The following SDK1 variants were observed in gnomAD, a reference collection of about 807,000 sequenced individuals.
The protein encoded by SDK1 is protein sidekick-1.
Under a neutral mutation model 245.5 loss-of-function variants are expected in SDK1, and 157 were observed. That is an observed-to-expected ratio of 0.64 (90% CI 0.56 to 0.73). The LOEUF (loss-of-function observed/expected upper bound fraction) is 0.73, where lower values mean the gene tolerates loss of function less well. SDK1 is among the 30% of genes least tolerant of loss of function. The probability of loss-of-function intolerance (pLI) is 0.00; values close to 1 mark genes in which losing one functional copy is unlikely to be tolerated. For missense variants in SDK1, 3,583 were observed against 3,002.3 expected, an observed-to-expected ratio of 1.19 and a Z score of -4.52; for synonymous variants, 1,647 against 1,278.5, an observed-to-expected ratio of 1.29 and a Z score of -6.15.
At chr7:4,181,817 T>C (rs1272281109) in intron 35 of SDK1, among the ~76,000 whole-genome samples, 1 of 152,206 alleles carries the variant, frequency 6.6e-6, no homozygotes, top group Non-Finnish European at 1.5e-5. Flanking sequence ...AGGCGGGTGC[T>C]GAGAGTCAGC....
At chr7:3,771,012 T>C (rs1229368141) in intron 4 of SDK1, among the ~76,000 whole-genome samples, 1 of 152,102 alleles carries the variant, frequency 6.6e-6, no homozygotes, top group Non-Finnish European at 1.5e-5. Flanking sequence ...GGCTGGGTGT[T>C]TTTTCTGGTC....
chr7:3,656,470 C>T (rs1783188050), intron 4 of SDK1, among the ~76,000 whole-genome samples: 2 of 152,184 alleles, frequency 1.3e-5, no homozygotes, highest in South Asian at 2.1e-4. Flanking sequence ...GTGCAAAATT[C>T]CCTCAAAAGC....
intron 17 of SDK1, among the ~76,000 whole-genome samples, chr7:4,020,903 T>A (rs888209406): frequency 2.0e-5 from 3 of 152,206 alleles, no homozygotes; most frequent in Non-Finnish European, 4.4e-5. Context: ...GAAAAGGCTT[T>A]CAAAACAAGG....
chr7:3,489,371 G>C lies in SDK1; in HGVS notation c.299-129709G>C, dbSNP rs564839616. ...GAGCGTATTGTGGAAATTTTCCGGT[G>C]ATTTTTGTCTTAAATAAGTAATTGC... is the stretch of plus-strand genomic sequence containing the variant. On this transcript the variant is annotated intron_variant, in intron 1 of 44. Transcript: ENST00000404826. Among the ~76,000 whole-genome samples, 14 of 152,248 alleles carry C rather than the reference G, an allele frequency of 9.2e-5. 1 individual carries two copies. In the South Asian group the frequency reaches 2.7e-3, roughly 29 times the overall value.
chr7:3,951,151 T>C, intron 6 of SDK1, 117 bp downstream of exon 6: 1 of 761,956 alleles, frequency 1.3e-6, no homozygotes, highest in Non-Finnish European at 2.3e-6. Context: ...GTGGTCTTGT[T>C]TGGCCGGGTG....
At chr7:3,502,661 A>AT (rs1782255176) in intron 1 of SDK1, among the ~76,000 whole-genome samples, 1 of 152,194 alleles carries the variant, frequency 6.6e-6, no homozygotes, top group Non-Finnish European at 1.5e-5. Flanking sequence ...GTATACACTT[A>AT]TATTTTTTAA....
intron 4 of SDK1, among the ~76,000 whole-genome samples, chr7:3,714,829 G>C (rs1020530068): frequency 6.6e-6 from 1 of 152,166 alleles, no homozygotes; most frequent in Non-Finnish European, 1.5e-5. Flanking sequence ...GTGTGTAAGT[G>C]TCAAGCTTGG....
At chr7:4,043,354 A>G (rs964704076) in intron 17 of SDK1, among the ~76,000 whole-genome samples, 12 of 150,472 alleles carry the variant, frequency 8.0e-5, no homozygotes, top group South Asian at 2.1e-4. Context: ...TGTCACAGCC[A>G]GGGACCCAGG....
Position 3,399,314 on chromosome 7 carries a change from T to C in SDK1, c.298+97430T>C, listed in dbSNP as rs997325513. The stretch of plus-strand genomic sequence containing the variant: ...GTTTTAATTTTGTTCCTTTTTGTGA[T>C]GTCTGTCTCTTTCTTGACATTTTTT... On this transcript the variant is annotated intron_variant, in intron 1 of 44. Transcript: ENST00000404826. Among the ~76,000 whole-genome samples the C allele has an allele frequency of 4.6e-5, 7 of 152,120 alleles. No individual in the cohort carries two copies. The East Asian group carries it at 1.3e-3, about 29-fold the overall frequency.
intron 4 of SDK1, among the ~76,000 whole-genome samples, chr7:3,650,520 T>C (rs1782980446): frequency 6.6e-6 from 1 of 152,212 alleles, no homozygotes; most frequent in Admixed American, 6.5e-5. Context: ...TCACATACAG[T>C]CAAAAGAAAT....
chr7:3,446,694 A>G (rs1780352243), intron 1 of SDK1, among the ~76,000 whole-genome samples: 1 of 152,204 alleles, frequency 6.6e-6, no homozygotes, highest in Non-Finnish European at 1.5e-5. Flanking sequence ...TTCAAACAAG[A>G]CAAAATTATT....
chr7:3,597,953 T>C, intron 1 of SDK1, among the ~76,000 whole-genome samples: 1 of 152,210 alleles, frequency 6.6e-6, no homozygotes, highest in East Asian at 1.9e-4. Context: ...GGGGGAAATA[T>C]CCAGGCCTGG....
intron 17 of SDK1, among the ~76,000 whole-genome samples, chr7:4,041,444 C>A (rs1788630727): frequency 6.6e-6 from 1 of 152,254 alleles, no homozygotes; most frequent in Admixed American, 6.5e-5. Flanking sequence ...GTGAACCTAC[C>A]TTGATACATC....
At chr7:4,193,243 C>A (rs1783331030) in intron 35 of SDK1, among the ~76,000 whole-genome samples, 1 of 120,644 alleles carries the variant, frequency 8.3e-6, no homozygotes, top group Non-Finnish European at 1.7e-5. Flanking sequence ...TATAAATATA[C>A]AATATATTGT....
intron 1 of SDK1, among the ~76,000 whole-genome samples, chr7:3,443,717 C>G (rs1483115193): frequency 6.6e-6 from 1 of 152,188 alleles, no homozygotes; most frequent in Non-Finnish European, 1.5e-5. Flanking sequence ...AAATTCAGCT[C>G]TGAGTGACCT....
intron 1 of SDK1, among the ~76,000 whole-genome samples, chr7:3,618,104 G>C (rs778293592): frequency 6.6e-6 from 1 of 152,124 alleles, no homozygotes; most frequent in African/African-American, 2.4e-5. Context: ...GGATCAGGTA[G>C]CTAATTAGTG....
intron 38 of SDK1, among the ~76,000 whole-genome samples, chr7:4,214,655 G>A (rs116528972): frequency 0.024 from 3,724 of 152,130 alleles, 64 homozygotes; most frequent in South Asian, 0.065. Context: ...GACCCCCCAC[G>A]TTTGGGCTTG....
chr7:4,000,689 A>G (rs570095311), intron 14 of SDK1, among the ~76,000 whole-genome samples: 3 of 152,332 alleles, frequency 2.0e-5, no homozygotes, highest in African/African-American at 7.2e-5. Flanking sequence ...TTTGCTTGCC[A>G]AAATGGCGAA....
intron 4 of SDK1, among the ~76,000 whole-genome samples, chr7:3,767,765 T>C (rs1780296912): frequency 6.6e-6 from 1 of 152,168 alleles, no homozygotes; most frequent in African/African-American, 2.4e-5. Flanking sequence ...CTAATGATGG[T>C]ATTTTGCCTC....
Sources: gnomAD v4.1 joint callset for allele counts (sites outside exome capture counted in the v4.1 genomes callset) on GRCh38, gnomAD v4.1.1 for gene constraint, MANE v1.5 for transcripts, NCBI Gene and HGNC (gene_info 2026-07-23, HGNC 2026-07-21) for gene names.